UNC13C: variants seen among roughly 807,000 people sequenced by gnomAD.
The protein encoded by UNC13C is unc-13 homolog C, also known as protein unc-13 homolog C.
In UNC13C, 174 loss-of-function variants were observed where a neutral mutation model predicts 245.4. The ratio of observed to expected loss-of-function variants is 0.71; its 90% CI spans 0.63 to 0.80. UNC13C has a LOEUF of 0.80. Among genes scored for constraint, UNC13C ranks in the 30% least tolerant of loss-of-function variants. UNC13C has a pLI of 0.00. For synonymous variants in UNC13C, 992 were observed against 895.1 expected, an observed-to-expected ratio of 1.11 and a Z score of -1.93; for missense variants, 2,829 against 2,602.9, an observed-to-expected ratio of 1.09 and a Z score of -1.89.
At chr15:54,134,910 G>A (rs892312578) in intron 2 of UNC13C, among the ~76,000 whole-genome samples, 5 of 151,958 alleles carry the variant, frequency 3.3e-5, no homozygotes, top group Admixed American at 3.3e-4. Context: ...TTACTTAATG[G>A]CTGTACCAAT....
At chr15:53,910,568 G>C in the UNC13C span, among the ~76,000 whole-genome samples, 1 of 146,182 alleles carries the variant, frequency 6.8e-6, no homozygotes, top group Non-Finnish European at 1.5e-5. Flanking sequence ...GAGAGAGTCA[G>C]AGCTTTCCAT....
intron 18 of UNC13C, among the ~76,000 whole-genome samples, chr15:54,404,069 A>T (rs536188934): frequency 6.6e-6 from 1 of 152,332 alleles, no homozygotes; most frequent in South Asian, 2.1e-4. Context: ...TCTTAAGTGC[A>T]GAGCATACTA....
At chr15:54,448,292 G>A (rs141606490) in intron 19 of UNC13C, among the ~76,000 whole-genome samples, 22 of 152,226 alleles carry the variant, frequency 1.4e-4, no homozygotes, top group East Asian at 3.9e-4. Context: ...TAGTAGGTCC[G>A]CTTGGTGCAG....
At chr15:54,196,525 T>G (rs924184921) in intron 4 of UNC13C, among the ~76,000 whole-genome samples, 1 of 152,126 alleles carries the variant, frequency 6.6e-6, no homozygotes, top group Non-Finnish European at 1.5e-5. Flanking sequence ...ATAAGGACAG[T>G]ACGAAGCAGG....
intron 17 of UNC13C, among the ~76,000 whole-genome samples, chr15:54,390,247 C>T (rs565720199): frequency 2.0e-5 from 3 of 152,164 alleles, no homozygotes; most frequent in Non-Finnish European, 4.4e-5. Context: ...TTTCTATATA[C>T]TGATCTCTTC....
At chr15:54,578,213 G>C (rs897403444) in intron 30 of UNC13C, among the ~76,000 whole-genome samples, 2 of 152,196 alleles carry the variant, frequency 1.3e-5, no homozygotes, top group Non-Finnish European at 2.9e-5. Flanking sequence ...TATTGCATGT[G>C]ATGCTGTGGG....
intron 30 of UNC13C, among the ~76,000 whole-genome samples, chr15:54,616,883 G>T (rs746880255): frequency 3.9e-5 from 6 of 151,934 alleles, no homozygotes; most frequent in Non-Finnish European, 8.8e-5. Flanking sequence ...CATGGTAAGG[G>T]CCCAATATAG....
chr15:54,360,754 G>A (rs1045158488), intron 17 of UNC13C, among the ~76,000 whole-genome samples: 17 of 151,930 alleles, frequency 1.1e-4, no homozygotes, highest in African/African-American at 3.9e-4. Flanking sequence ...TTCTTGGTTG[G>A]CAGGTTTTTG....
chr15:53,888,184 T>C, the UNC13C span, among the ~76,000 whole-genome samples: 1 of 152,320 alleles, frequency 6.6e-6, no homozygotes, highest in South Asian at 2.1e-4. Context: ...TGTAAAAGTG[T>C]TCCTATTTCT....
At chr15:54,535,936 G>T (rs1383103841) in intron 26 of UNC13C, among the ~76,000 whole-genome samples, 2 of 151,970 alleles carry the variant, frequency 1.3e-5, no homozygotes, top group African/African-American at 4.8e-5. Flanking sequence ...GAAAACAAGA[G>T]TAAATCATAA....
chr15:53,956,252 A>G, the UNC13C span, among the ~76,000 whole-genome samples: 2 of 152,162 alleles, frequency 1.3e-5, no homozygotes, highest in African/African-American at 2.4e-5. Flanking sequence ...GATAGAATCA[A>G]TCGCATCCCA....
At chr15:54,259,229 C>T (rs1190988984) in intron 8 of UNC13C, among the ~76,000 whole-genome samples, 1 of 152,228 alleles carries the variant, frequency 6.6e-6, no homozygotes, top group Non-Finnish European at 1.5e-5. Flanking sequence ...AACATTCAGA[C>T]TACGCCAGTT....
intron 13 of UNC13C, among the ~76,000 whole-genome samples, chr15:54,308,881 A>G (rs1049956223): frequency 6.6e-6 from 1 of 151,696 alleles, no homozygotes; most frequent in Non-Finnish European, 1.5e-5. Context: ...TTGTATGTAT[A>G]TACATTTTCT....
intron 24 of UNC13C, among the ~76,000 whole-genome samples, chr15:54,514,651 G>T (rs1369002136): frequency 6.6e-6 from 1 of 152,206 alleles, no homozygotes; most frequent in Non-Finnish European, 1.5e-5. Context: ...GCGTGCTACT[G>T]CAGCTCCCTG....
intron 10 of UNC13C, among the ~76,000 whole-genome samples, chr15:54,285,025 A>C (rs1164199113): frequency 1.3e-5 from 2 of 152,020 alleles, no homozygotes; most frequent in Non-Finnish European, 2.9e-5. Flanking sequence ...ATAAGGTCAT[A>C]TTTTGCCCTT....
chr15:54,455,762 G>T (rs1028490800), intron 19 of UNC13C, among the ~76,000 whole-genome samples: 1 of 151,840 alleles, frequency 6.6e-6, no homozygotes, highest in Non-Finnish European at 1.5e-5. Context: ...ATAGATTCTG[G>T]ATATTAGTTA....
chr15:54,114,198 A>T (rs2030045548), intron 2 of UNC13C, among the ~76,000 whole-genome samples: 1 of 152,182 alleles, frequency 6.6e-6, no homozygotes. Context: ...AGTCTTAAGG[A>T]CACCCTATGA....
chr15:54,586,163 A>G (rs1406193229), intron 30 of UNC13C, among the ~76,000 whole-genome samples: 2 of 152,202 alleles, frequency 1.3e-5, no homozygotes, highest in African/African-American at 4.8e-5. Flanking sequence ...ATTTTTGTAT[A>G]TGTTTCAAAA....
chr15:54,366,106 C>T (rs538846446), intron 17 of UNC13C, among the ~76,000 whole-genome samples: 33 of 152,210 alleles, frequency 2.2e-4, no homozygotes, highest in Non-Finnish European at 4.6e-4. Context: ...TAATGACTCC[C>T]TTTAAATTAC....
Sources: allele counts gnomAD v4.1 joint callset (sites outside exome capture counted in the v4.1 genomes callset), GRCh38; gene constraint gnomAD v4.1.1; transcripts MANE v1.5; gene names NCBI Gene and HGNC (gene_info 2026-07-23, HGNC 2026-07-21).